PALLD: variants seen among roughly 807,000 people sequenced by gnomAD.
The protein encoded by PALLD is palladin, cytoskeletal associated protein, also known as palladin.
PALLD carries 61 observed loss-of-function variants against 123.5 expected under a neutral mutation model. That is an observed-to-expected ratio of 0.49 (90% CI 0.40 to 0.61). The LOEUF is 0.61. Among genes scored for constraint, PALLD ranks in the 20% least tolerant of loss-of-function variants. The probability of loss-of-function intolerance (pLI) is 0.00; values close to 1 mark genes in which losing one functional copy is unlikely to be tolerated. For missense variants in PALLD, 1,273 were observed against 1,377.0 expected (o/e 0.92, Z 1.20); for synonymous variants, 465 against 496.4 (o/e 0.94, Z 0.84).
chr4:168,804,187 A>G (rs1168138750), intron 10 of PALLD, among the ~76,000 whole-genome samples: 1 of 152,236 alleles, frequency 6.6e-6, no homozygotes, highest in Non-Finnish European at 1.5e-5. Context: ...AGAAAGAGGT[A>G]TGTTCCTTCT....
chr4:168,626,226 T>C (rs541221746), intron 2 of PALLD, among the ~76,000 whole-genome samples: 17 of 150,666 alleles, frequency 1.1e-4, no homozygotes, highest in Admixed American at 2.6e-4. Context: ...CAGTGAAACC[T>C]CGTCTCTACT....
intron 10 of PALLD, among the ~76,000 whole-genome samples, chr4:168,780,015 C>T (rs942521897): frequency 6.6e-6 from 1 of 152,046 alleles, no homozygotes; most frequent in Non-Finnish European, 1.5e-5. Flanking sequence ...TCTCCTGCCT[C>T]AGCCTCCCGA....
intron 11 of PALLD, among the ~76,000 whole-genome samples, chr4:168,891,768 G>A (rs887631164): frequency 2.0e-5 from 3 of 151,640 alleles, no homozygotes; most frequent in Non-Finnish European, 2.9e-5. Flanking sequence ...GGAATGGTTT[G>A]TATCTACCCA....
chr4:168,833,841 T>C (rs1744705450), intron 10 of PALLD, among the ~76,000 whole-genome samples: 4 of 151,088 alleles, frequency 2.6e-5, no homozygotes, highest in Admixed American at 2.0e-4. Flanking sequence ...CATGTCTGTT[T>C]AGATCAATGG....
intron 2 of PALLD, among the ~76,000 whole-genome samples, chr4:168,629,713 C>T (rs977032908): frequency 1.4e-4 from 21 of 152,080 alleles, no homozygotes; most frequent in African/African-American, 4.8e-5. Flanking sequence ...CGCCACAAAC[C>T]GCGTAACGTT....
intron 3 of PALLD, among the ~76,000 whole-genome samples, chr4:168,672,544 TGCCTTCCGGGTTCAC>T (rs1392557082): frequency 3.9e-5 from 6 of 152,036 alleles, no homozygotes; most frequent in African/African-American, 1.4e-4. Flanking sequence ...CTGCAAGCTC[TGCCTTCCGGGTTCAC>T]GCCATTCTCC....
At chr4:168,621,236 A>T (rs1774730154) in intron 2 of PALLD, among the ~76,000 whole-genome samples, 1 of 152,272 alleles carries the variant, frequency 6.6e-6, no homozygotes, top group Non-Finnish European at 1.5e-5. Flanking sequence ...CTCAATAAAC[A>T]ATGAATCAAT....
intron 10 of PALLD, among the ~76,000 whole-genome samples, chr4:168,876,188 G>C (rs1238623014): frequency 1.3e-5 from 2 of 152,242 alleles, no homozygotes; most frequent in East Asian, 3.8e-4. Context: ...CAAAGGCAGG[G>C]AGATGAAGCA....
chr4:168,514,057 G>T (rs1352928580), intron 2 of PALLD, among the ~76,000 whole-genome samples: 1 of 151,732 alleles, frequency 6.6e-6, no homozygotes, highest in Admixed American at 6.6e-5. Flanking sequence ...AGTGAGCCAA[G>T]ATCATATCAC....
intron 10 of PALLD, among the ~76,000 whole-genome samples, chr4:168,888,891 C>T (rs1327331131): frequency 2.0e-5 from 3 of 152,104 alleles, no homozygotes; most frequent in African/African-American, 7.2e-5. Flanking sequence ...AGACCAGGAG[C>T]ACAGGCCTCA....
chr4:168,822,790 C>T (rs560936966), intron 10 of PALLD, among the ~76,000 whole-genome samples: 19 of 152,238 alleles, frequency 1.2e-4, no homozygotes, highest in Admixed American at 5.9e-4. Context: ...TTTTTGTCTC[C>T]GCGCTTTGAT....
At chr4:168,876,860 G>A (rs1031101886) in intron 10 of PALLD, among the ~76,000 whole-genome samples, 2 of 152,116 alleles carry the variant, frequency 1.3e-5, no homozygotes, top group Non-Finnish European at 2.9e-5. Flanking sequence ...TACCTCATGT[G>A]AATAAAGGAA....
chr4:168,847,282 A>G lies in PALLD; in HGVS notation c.1965-43640A>G, dbSNP rs72975203. 8.0e-3 allele frequency among the ~76,000 whole-genome samples: 1,214 copies of G among 152,326 alleles called. 12 individuals are homozygous for G. The highest frequency in any genetic ancestry group is 0.027 in the African/African-American group (1,115 of 41,564). On this transcript the variant is annotated intron_variant, in intron 10 of 21. Coordinates refer to ENST00000505667, the MANE Select transcript of PALLD (RefSeq NM_001166108.2). ...GTACAGGCAGCTTTATTGCTACACTATTTGCACTAATGAGTACTTGAAGAG... is the reference window on the plus strand; with the variant it reads ...GTACAGGCAGCTTTATTGCTACACTGTTTGCACTAATGAGTACTTGAAGAG...
intron 10 of PALLD, among the ~76,000 whole-genome samples, chr4:168,830,628 A>G (rs1387788028): frequency 1.3e-5 from 2 of 152,230 alleles, no homozygotes; most frequent in Non-Finnish European, 2.9e-5. Context: ...ACTATATTTT[A>G]GGCAGCTAAC....
chr4:168,790,974 CAT>C (rs1478902113), intron 10 of PALLD, among the ~76,000 whole-genome samples: 1 of 152,138 alleles, frequency 6.6e-6, no homozygotes, highest in Admixed American at 6.5e-5. Context: ...AAAGTTTTGC[CAT>C]AGTCTTCATA....
intron 9 of PALLD, 53 bp downstream of exon 9, chr4:168,709,200 G>A (rs954175674): frequency 1.9e-6 from 3 of 1,598,532 alleles, no homozygotes; most frequent in African/African-American, 2.7e-5. Context: ...CACCAGTGTG[G>A]ATGGCCACAG....
intron 2 of PALLD, among the ~76,000 whole-genome samples, chr4:168,620,837 A>G (rs113424852): frequency 4.6e-4 from 70 of 152,366 alleles, no homozygotes; most frequent in African/African-American, 1.6e-3. Flanking sequence ...TGCAAAAAGT[A>G]TGAGTAGTAA....
intron 8 of PALLD, among the ~76,000 whole-genome samples, chr4:168,704,793 T>C (rs1322280820): frequency 1.3e-5 from 2 of 152,198 alleles, no homozygotes; most frequent in East Asian, 3.9e-4. Flanking sequence ...AAACTACATT[T>C]GGTTCTGTTT....
At position 168,601,104 on chromosome 4, in the gene PALLD, T is replaced by TAAA. The variant is rs10650574; in HGVS notation, c.909-67077_909-67075dup. ...TTTGGATTTGCCTTAGGCTCTTCTT[T>TAAA]AAAAAAAAAAATCTTAGCTAGTTGT... On this transcript the variant is annotated intron_variant, in intron 2 of 21. Coordinates refer to ENST00000505667, the MANE Select transcript of PALLD (RefSeq NM_001166108.2). Among the ~76,000 whole-genome samples, 697 of 150,124 alleles carry TAAA rather than the reference T, an allele frequency of 4.6e-3. 7 individuals carry two copies. The highest frequency in any genetic ancestry group is 0.015 in the African/African-American group (600 of 41,120).
Sources: allele counts gnomAD v4.1 joint callset (sites outside exome capture counted in the v4.1 genomes callset), GRCh38; gene constraint gnomAD v4.1.1; transcripts MANE v1.5; gene names NCBI Gene and HGNC (gene_info 2026-07-23, HGNC 2026-07-21).